Variants in ASIC2 observed in about 807,000 individuals in gnomAD.
ASIC2 encodes acid sensing ion channel subunit 2.
A neutral mutation model predicts 57.3 loss-of-function variants in ASIC2; 25 were observed. The ratio of observed to expected loss-of-function variants is 0.44; its 90% confidence interval spans 0.32 to 0.61. The LOEUF (loss-of-function observed/expected upper bound fraction) is 0.61, where lower values mean the gene tolerates loss of function less well. Among genes scored for constraint, ASIC2 ranks in the 20% least tolerant of loss-of-function variants. ASIC2 has a pLI of 0.06. For missense variants in ASIC2, 641 were observed against 738.1 expected (o/e 0.87, Z 1.52); for synonymous variants, 319 against 307.5 (o/e 1.04, Z -0.39).
intron 3 of ASIC2, among the ~76,000 whole-genome samples, chr17:33,070,307 GT>G (rs1197527849): frequency 6.7e-6 from 1 of 150,042 alleles, no homozygotes; most frequent in East Asian, 1.9e-4. Context: ...GTAGTTATAG[GT>G]TGGTGCAAAA....
intron 1 of ASIC2, among the ~76,000 whole-genome samples, chr17:34,066,783 G>A (rs1909188017): frequency 6.6e-6 from 1 of 152,162 alleles, no homozygotes; most frequent in Admixed American, 6.5e-5. Context: ...TGCTTTGGGT[G>A]GTTGGGCATG....
chr17:33,804,849 TC>T (rs2142148744), intron 1 of ASIC2, among the ~76,000 whole-genome samples: 1 of 152,226 alleles, frequency 6.6e-6, no homozygotes, highest in Admixed American at 6.5e-5. Flanking sequence ...TCTCCATACT[TC>T]CTCTCAGAAA....
At chr17:33,457,079 A>G (rs1912476082) in intron 1 of ASIC2, among the ~76,000 whole-genome samples, 1 of 152,228 alleles carries the variant, frequency 6.6e-6, no homozygotes, top group African/African-American at 2.4e-5. Flanking sequence ...ATATGAGAAG[A>G]ATGAATCATA....
At chr17:33,293,619 C>T (rs985263067), upstream of ASIC2, among the ~76,000 whole-genome samples, 1 of 152,102 alleles carries the variant, frequency 6.6e-6, no homozygotes. Context: ...GAGCGAGTTG[C>T]TGTGTAGTGT....
In ASIC2 at chr17:33,768,162, C is replaced by G. The variant is rs578121363; in HGVS notation, c.555+387816G>C. ...CAGCTGGGACTACGGGCGCCTGCCA[C>G]CGCGCCCTGCTAATTTTTTTGTGTT... On this transcript the variant is annotated intron_variant, in intron 1 of 9. Transcript: ENST00000359872. Among the ~76,000 whole-genome samples the G allele has an allele frequency of 7.2e-5, 11 of 151,966 alleles. No individual in the cohort carries two copies. In the South Asian group the frequency reaches 1.5e-3, roughly 20 times the overall value.
intron 1 of ASIC2, among the ~76,000 whole-genome samples, chr17:33,751,511 T>C (rs997205223): frequency 6.6e-6 from 1 of 151,886 alleles, no homozygotes; most frequent in African/African-American, 2.4e-5. Flanking sequence ...TCTGAGACAG[T>C]AATTTTTTCA....
chr17:34,076,571 T>C (rs1567811098), intron 1 of ASIC2, among the ~76,000 whole-genome samples: 1 of 152,202 alleles, frequency 6.6e-6, no homozygotes, highest in South Asian at 2.1e-4. Context: ...CCTCAGAATG[T>C]AATAGGCCTT....
In ASIC2 at chr17:33,815,858, C is replaced by T. The variant is rs79564683; in HGVS notation, c.555+340120G>A. On this transcript the variant is annotated intron_variant, in intron 1 of 9. Coordinates refer to the ASIC2 transcript ENST00000359872. ...TGAGGCCCAGAAAGGGAAGTGATAC[C>T]GGTTATTTTTGAATTATTTATTTCA... Among the ~76,000 whole-genome samples, 772 of 152,162 alleles carry T rather than the reference C, an allele frequency of 5.1e-3. 7 individuals carry two copies. The highest frequency in any genetic ancestry group is 0.018 in the African/African-American group (732 of 41,502).
intron 1 of ASIC2, among the ~76,000 whole-genome samples, chr17:34,015,109 A>G (rs1054289519): frequency 9.7e-6 from 1 of 102,782 alleles, no homozygotes; most frequent in Admixed American, 1.3e-4. Context: ...GGGCTTTGTT[A>G]CATTGCCCAG....
chr17:33,945,656 C>A (rs551319423), intron 1 of ASIC2, among the ~76,000 whole-genome samples: 7 of 152,178 alleles, frequency 4.6e-5, no homozygotes, highest in Non-Finnish European at 8.8e-5. Flanking sequence ...TCAGGGGACA[C>A]CATGGTGACC....
chr17:33,552,413 A>G (rs368921165), intron 1 of ASIC2, among the ~76,000 whole-genome samples: 1 of 152,314 alleles, frequency 6.6e-6, no homozygotes, highest in South Asian at 2.1e-4. Flanking sequence ...GACCTTTGCC[A>G]ACTCATGCTT....
At chr17:33,444,152 G>C (rs1488676171) in intron 1 of ASIC2, among the ~76,000 whole-genome samples, 1 of 152,138 alleles carries the variant, frequency 6.6e-6, no homozygotes, top group Non-Finnish European at 1.5e-5. Context: ...GGTTGTTTTT[G>C]ACAGTATTGT....
At chr17:33,029,181 A>G (rs1021107550) in intron 3 of ASIC2, among the ~76,000 whole-genome samples, 1 of 152,250 alleles carries the variant, frequency 6.6e-6, no homozygotes, top group Non-Finnish European at 1.5e-5. Flanking sequence ...GCACTATTCA[A>G]TATATTCTAA....
At chr17:33,586,708 C>G (rs1904646568) in intron 1 of ASIC2, among the ~76,000 whole-genome samples, 1 of 152,160 alleles carries the variant, frequency 6.6e-6, no homozygotes, top group East Asian at 1.9e-4. Flanking sequence ...CTTTAGGTCT[C>G]AAATCTCATC....
At chr17:33,052,449 C>A (rs1355853418) in intron 3 of ASIC2, 1 of 152,212 alleles carries the variant, frequency 6.6e-6, no homozygotes, top group Non-Finnish European at 1.5e-5. Context: ...TTGACAACTG[C>A]CTTAGAGCCT....
intron 1 of ASIC2, among the ~76,000 whole-genome samples, chr17:33,993,416 C>A (rs149405299): frequency 2.0e-5 from 3 of 152,342 alleles, no homozygotes; most frequent in African/African-American, 4.8e-5. Flanking sequence ...CCCCACTCTC[C>A]TCTACTGCCA....
intron 1 of ASIC2, among the ~76,000 whole-genome samples, chr17:33,464,469 TTC>T (rs1912747889): frequency 1.1e-5 from 1 of 87,798 alleles, no homozygotes; most frequent in Admixed American, 1.1e-4. Context: ...CTTTCTTTCT[TTC>T]TTTCTTTTCT....
In ASIC2 at chr17:33,873,801, C is replaced by T. The variant is rs1052477594; in HGVS notation, c.555+282177G>A. 2.0e-5 allele frequency among the ~76,000 whole-genome samples: 3 copies of T among 152,142 alleles called. No individual in the cohort carries two copies. The East Asian group carries it at 5.8e-4, about 29-fold the overall frequency. On this transcript the variant is annotated intron_variant, in intron 1 of 9. Transcript: ENST00000359872. ...ACCTCCAGAGAGAATGAGAATCATGCCCGACCGTTTTGGTGCCTAGAAGCA... is the reference window on the plus strand; with the variant it reads ...ACCTCCAGAGAGAATGAGAATCATGTCCGACCGTTTTGGTGCCTAGAAGCA...
intron 1 of ASIC2, among the ~76,000 whole-genome samples, chr17:33,510,260 A>G (rs982359999): frequency 4.6e-5 from 7 of 152,294 alleles, no homozygotes; most frequent in African/African-American, 1.7e-4. Context: ...TCCCAGACAG[A>G]TTCATCTTTC....
Sources: gnomAD v4.1 joint callset for allele counts (sites outside exome capture counted in the v4.1 genomes callset) on GRCh38, gnomAD v4.1.1 for gene constraint, MANE v1.5 for transcripts, NCBI Gene and HGNC (gene_info 2026-07-23, HGNC 2026-07-21) for gene names.